Variants in TG observed in about 807,000 individuals in gnomAD.
TG encodes the protein thyroid hormones.
Under a neutral mutation model 324.7 loss-of-function variants are expected in TG, and 270 were observed. The observed-to-expected ratio is 0.83, with a 90% CI of 0.75 to 0.92. The LOEUF (loss-of-function observed/expected upper bound fraction) is 0.92, where lower values mean the gene tolerates loss of function less well. Ranked by LOEUF, TG falls within the 40% of genes least tolerant of loss-of-function variation. The pLI, the probability that TG is intolerant of heterozygous loss-of-function variation, is 0.00. For synonymous variants in TG, 1,401 were observed against 1,327.0 expected, an observed-to-expected ratio of 1.06 and a Z score of -1.21; for missense variants, 3,591 against 3,456.4, an observed-to-expected ratio of 1.04 and a Z score of -0.98.
At chr8:133,001,764 T>A (rs1279731775) in intron 35 of TG, 1 of 985,364 alleles carries the variant, frequency 1.0e-6, no homozygotes, top group Non-Finnish European at 1.2e-6. Context: ...TCTATTCTGC[T>A]TATCACAGGG....
At chr8:133,134,028 G>C (rs1032666357) in intron 47 of TG, among the ~76,000 whole-genome samples, 1 of 152,254 alleles carries the variant, frequency 6.6e-6, no homozygotes, top group Non-Finnish European at 1.5e-5. Flanking sequence ...GTCCTAGATA[G>C]AAAATCTTGG....
chr8:133,095,224 C>T lies in TG; in HGVS notation c.7404+16C>T. The stretch of plus-strand genomic sequence containing the variant: ...CCAGACCAAGGTGAGCACTTAAGTG[C>T]AAGTTGGGAAGGGACATTCTCTGGT... On this transcript the variant is annotated intron_variant, in intron 42 of 47. Transcript: ENST00000220616. The T allele has an allele frequency of 1.2e-6, 2 of 1,614,148 alleles. No homozygotes were observed. The highest frequency in any genetic ancestry group is 1.7e-6 in the Non-Finnish European group (2 of 1,180,018).
chr8:132,963,190 T>C (rs1167476545), intron 29 of TG, 116 bp downstream of exon 29: 1 of 986,882 alleles, frequency 1.0e-6, no homozygotes, highest in Non-Finnish European at 1.6e-6. Flanking sequence ...TCTGTATCCA[T>C]GGACTCTCCT....
At position 132,882,496 on chromosome 8, in the gene TG, A is replaced by G; in HGVS notation, c.773A>G (p.Tyr258Cys). ...TGLELLLDEI[Y>C]DTIFAGLDLP... The stretch of plus-strand genomic sequence containing the variant: ...TTGGAGTTGTTACTGGATGAAATTT[A>G]TGACACCATTTTTGCTGGCCTGGAC... Residue 258 changes from tyrosine (Y) to cysteine (C), a missense_variant, in exon 7 of 48, where the codon TAT becomes TGT. Tyr to Cys is a radical substitution (Grantham distance 194). Coordinates refer to ENST00000220616, the MANE Select transcript of TG (RefSeq NM_003235.5). 1 of 1,614,208 alleles carries G rather than the reference A, an allele frequency of 6.2e-7. No individual in the cohort carries two copies. Among genetic ancestry groups the G allele is most frequent in the Non-Finnish European group, 8.5e-7 (1 of 1,180,048 alleles).
At chr8:132,956,203 C>T (rs576674453) in intron 27 of TG, among the ~76,000 whole-genome samples, 2 of 152,132 alleles carry the variant, frequency 1.3e-5, no homozygotes, top group African/African-American at 4.8e-5. Context: ...CCTTCTGATG[C>T]GTGGGAAGGC....
chr8:132,922,942 A>G (rs1325926314), intron 21 of TG, among the ~76,000 whole-genome samples: 1 of 152,172 alleles, frequency 6.6e-6, no homozygotes. Context: ...CATAGTAGGA[A>G]GGCTTTCCTG....
At position 132,886,539 on chromosome 8, in the gene TG, C is replaced by A; in HGVS notation, c.1167C>A (p.Phe389Leu). Reference protein sequence around the residue: ...TSGYFSQHDLFSSPEKRWASP... With the variant: ...TSGYFSQHDLLSSPEKRWASP... Reference sequence around the variant, plus strand: ...GCTACTTCAGCCAGCACGACCTGTTCTCTTCCCCAGAGAAAAGATGGGCCT... The same window carrying A: ...GCTACTTCAGCCAGCACGACCTGTTATCTTCCCCAGAGAAAAGATGGGCCT... Residue 389 changes from phenylalanine to leucine, a missense_variant, in exon 9 of 48, where the codon TTC becomes TTA. Phe to Leu is a conservative substitution (Grantham distance 22). Transcript: ENST00000220616. 6.2e-7 allele frequency: 1 copy of A among 1,614,230 alleles called. No homozygotes were observed. Among genetic ancestry groups the A allele is most frequent in the Non-Finnish European group, 8.5e-7 (1 of 1,180,038 alleles).
chr8:132,900,581 T>G (rs1042749355), intron 15 of TG, among the ~76,000 whole-genome samples: 9 of 152,202 alleles, frequency 5.9e-5, no homozygotes, highest in African/African-American at 2.2e-4. Flanking sequence ...GTCTGAGAAG[T>G]GCAAACCAGC....
chr8:133,058,844 G>A (rs1369310322), intron 41 of TG, among the ~76,000 whole-genome samples: 1 of 152,178 alleles, frequency 6.6e-6, no homozygotes, highest in Non-Finnish European at 1.5e-5. Context: ...TATCCCTCTT[G>A]CATTTGGCTT....
intron 39 of TG, 115 bp downstream of exon 39, chr8:133,019,810 G>A (rs1382826479): frequency 3.4e-6 from 3 of 878,216 alleles, no homozygotes; most frequent in South Asian, 1.4e-5. Flanking sequence ...CTGAGCTGAG[G>A]TTAGGTGATT....
chr8:132,946,053 CA>C, intron 26 of TG, among the ~76,000 whole-genome samples: 1 of 151,740 alleles, frequency 6.6e-6, no homozygotes, highest in Non-Finnish European at 1.5e-5. Flanking sequence ...CACACACACA[CA>C]CACACACACA....
intron 8 of TG, 150 bp from the exon 9 acceptor site, chr8:132,886,298 A>G (rs1283912581): frequency 1.7e-6 from 2 of 1,186,566 alleles, no homozygotes; most frequent in African/African-American, 3.1e-5. Flanking sequence ...AAAGGAAAAA[A>G]TAAAATGACA....
intron 41 of TG, among the ~76,000 whole-genome samples, chr8:133,030,619 A>G (rs1385218149): frequency 2.6e-5 from 4 of 152,256 alleles, no homozygotes; most frequent in Admixed American, 2.6e-4. Context: ...TGGAAATGCC[A>G]TGAAACATTA....
intron 32 of TG, among the ~76,000 whole-genome samples, chr8:132,970,149 C>A (rs983779479): frequency 1.3e-4 from 19 of 151,952 alleles, no homozygotes; most frequent in Non-Finnish European, 2.2e-4. Context: ...TTGCAGTGCT[C>A]AGAATCTGGA....
At chr8:133,048,378 G>A (rs1429397139) in intron 41 of TG, among the ~76,000 whole-genome samples, 4 of 152,078 alleles carry the variant, frequency 2.6e-5, no homozygotes, top group South Asian at 2.1e-4. Flanking sequence ...GCACCACCAC[G>A]TCTGGCAACT....
rs557780067 is a variant in TG, at chr8:132,926,122, C to T, written c.4699+2614C>T. 3.9e-5 allele frequency among the ~76,000 whole-genome samples: 6 copies of T among 152,334 alleles called. No individual in the cohort carries two copies. In the East Asian group the frequency reaches 5.8e-4, roughly 15 times the overall value. ...TTCTCAGAATTGCCTTTGAGAGGAACTTTCTCTTCGGGAGTAAAATGTTTA... is the reference window on the plus strand; with the variant it reads ...TTCTCAGAATTGCCTTTGAGAGGAATTTTCTCTTCGGGAGTAAAATGTTTA... On this transcript the variant is annotated intron_variant, in intron 22 of 47. Coordinates refer to ENST00000220616, the MANE Select transcript of TG (RefSeq NM_003235.5).
chr8:133,075,127 A>T, intron 41 of TG: 1 of 985,442 alleles, frequency 1.0e-6, no homozygotes, highest in South Asian at 4.7e-5. Context: ...TCTCTCTGCA[A>T]GGACTGGGAA....
intron 25 of TG, 82 bp downstream of exon 25, chr8:132,935,946 TGAG>T (rs1203997715): frequency 9.1e-7 from 1 of 1,096,742 alleles, no homozygotes; most frequent in Non-Finnish European, 1.4e-6. Flanking sequence ...CAGGTGCATG[TGAG>T]GAGGAGCCAG....
chr8:133,130,712 G>T (rs1851876574), intron 45 of TG, among the ~76,000 whole-genome samples: 1 of 152,182 alleles, frequency 6.6e-6, no homozygotes, highest in South Asian at 2.1e-4. Flanking sequence ...ATCGATCCTG[G>T]ATTTCTGAAC....
Sources: gnomAD v4.1 joint callset for allele counts (sites outside exome capture counted in the v4.1 genomes callset) on GRCh38, gnomAD v4.1.1 for gene constraint, MANE v1.5 for transcripts, NCBI Gene and HGNC (gene_info 2026-07-23, HGNC 2026-07-21) for gene names.